The following ANO2 variants were observed in gnomAD, a reference collection of about 807,000 sequenced individuals.
The protein encoded by ANO2 is anoctamin-2.
ANO2 carries 101 observed loss-of-function variants against 124.2 expected under a neutral mutation model. The ratio of observed to expected loss-of-function variants is 0.81; its 90% CI spans 0.69 to 0.96. The LOEUF (loss-of-function observed/expected upper bound fraction) is 0.96. Ranked by LOEUF, ANO2 falls within the 40% of genes least tolerant of loss-of-function variation. ANO2 has a pLI of 0.00. For missense variants in ANO2, 1,293 were observed against 1,274.5 expected (o/e 1.01, Z -0.22); for synonymous variants, 486 against 482.5 (o/e 1.01, Z -0.09).
chr12:5,943,581 G>A (rs576996502), intron 1 of ANO2, among the ~76,000 whole-genome samples: 158 of 152,090 alleles, frequency 1.0e-3, no homozygotes, highest in African/African-American at 3.7e-3. Flanking sequence ...GGGTGAGGAG[G>A]CACTAAAATC....
intron 1 of ANO2, among the ~76,000 whole-genome samples, chr12:5,943,139 A>G (rs1942958208): frequency 6.6e-6 from 1 of 152,212 alleles, no homozygotes; most frequent in South Asian, 2.1e-4. Flanking sequence ...AAATGAAGTC[A>G]TTATATAAAA....
chr12:5,779,624 G>A (rs1221428591), intron 10 of ANO2, among the ~76,000 whole-genome samples: 2 of 152,182 alleles, frequency 1.3e-5, no homozygotes, highest in East Asian at 1.9e-4. Context: ...TCACAGTGGA[G>A]GAATCTGGCA....
rs370419755 is a variant in ANO2 at position 5,923,022 on chromosome 12, A to G, written c.23-218T>C. ...GCCCCCCGACTGCATACACACACGC[A>G]CACACACATACACACACATGCACGC... On this transcript the variant is annotated intron_variant, in intron 1 of 24. Coordinates refer to ENST00000682330, the MANE Select transcript of ANO2 (RefSeq NM_001364791.2). Among the ~76,000 whole-genome samples, 16 of 148,636 alleles carry G rather than the reference A, an allele frequency of 1.1e-4. No homozygotes were observed. The East Asian group carries it at 2.6e-3, about 24-fold the overall frequency.
At chr12:5,784,161 T>C (rs1471897787) in intron 10 of ANO2, among the ~76,000 whole-genome samples, 1 of 103,134 alleles carries the variant, frequency 9.7e-6, no homozygotes, top group Non-Finnish European at 2.5e-5. Context: ...TATTCCCCCC[T>C]ATCTGGAATG....
At chr12:5,673,864 T>C (rs1464987770) in intron 14 of ANO2, among the ~76,000 whole-genome samples, 1 of 152,152 alleles carries the variant, frequency 6.6e-6, no homozygotes, top group African/African-American at 2.4e-5. Flanking sequence ...CAATATTCAG[T>C]CCAGCCCATG....
intron 16 of ANO2, among the ~76,000 whole-genome samples, chr12:5,619,634 GCTCT>G (rs1190502092): frequency 1.3e-5 from 2 of 152,152 alleles, no homozygotes; most frequent in African/African-American, 2.4e-5. Flanking sequence ...GAGGTCCTCT[GCTCT>G]CTCTATCTCT....
intron 10 of ANO2, among the ~76,000 whole-genome samples, chr12:5,793,103 T>C (rs1481154032): frequency 6.6e-6 from 1 of 152,178 alleles, no homozygotes. Context: ...ACACAATTGT[T>C]GTTTTCAAAT....
At chr12:5,653,133 T>C (rs1011221170) in intron 14 of ANO2, among the ~76,000 whole-genome samples, 2 of 152,214 alleles carry the variant, frequency 1.3e-5, no homozygotes, top group Non-Finnish European at 2.9e-5. Flanking sequence ...GGAGTGGAAC[T>C]GGATTTGGGC....
chr12:5,690,527 G>A (rs1230505517), intron 14 of ANO2, among the ~76,000 whole-genome samples: 2 of 152,140 alleles, frequency 1.3e-5, no homozygotes, highest in Admixed American at 6.5e-5. Flanking sequence ...CCTTTGCTCT[G>A]GGCCTGGGCT....
chr12:5,812,948 GGAAA>G (rs1371470043), intron 7 of ANO2, among the ~76,000 whole-genome samples: 2 of 117,532 alleles, frequency 1.7e-5, no homozygotes, highest in African/African-American at 3.3e-5. Flanking sequence ...AAGGAAGGAA[GGAAA>G]GAAGGAAGAG....
At chr12:5,687,880 C>CA (rs1948770745) in intron 14 of ANO2, among the ~76,000 whole-genome samples, 1 of 151,248 alleles carries the variant, frequency 6.6e-6, no homozygotes, top group Admixed American at 6.6e-5. Context: ...ACAACAACAA[C>CA]ACCAGGAGGT....
chr12:5,754,323 TA>T (rs1346293522), intron 10 of ANO2, among the ~76,000 whole-genome samples: 1 of 152,206 alleles, frequency 6.6e-6, no homozygotes, highest in Non-Finnish European at 1.5e-5. Flanking sequence ...GATTTACTAC[TA>T]TTTTGTTGAA....
At chr12:5,633,335 ATGTC>A (rs1945829032) in intron 16 of ANO2, among the ~76,000 whole-genome samples, 1 of 152,106 alleles carries the variant, frequency 6.6e-6, no homozygotes, top group Non-Finnish European at 1.5e-5. Flanking sequence ...TGGAGAGAGA[ATGTC>A]TGTTTGGCTC....
intron 7 of ANO2, among the ~76,000 whole-genome samples, chr12:5,824,083 T>A (rs1953886737): frequency 6.6e-6 from 1 of 152,102 alleles, no homozygotes; most frequent in Non-Finnish European, 1.5e-5. Context: ...AACCATTTTT[T>A]CCTCCTGGGC....
intron 7 of ANO2, among the ~76,000 whole-genome samples, chr12:5,816,081 T>C (rs1371947094): frequency 2.0e-5 from 3 of 151,946 alleles, no homozygotes; most frequent in African/African-American, 7.3e-5. Context: ...AAAGATAATC[T>C]GAGGGTGAAG....
intron 15 of ANO2, among the ~76,000 whole-genome samples, chr12:5,641,261 A>T (rs1051088466): frequency 5.3e-5 from 8 of 152,266 alleles, no homozygotes; most frequent in Non-Finnish European, 8.8e-5. Flanking sequence ...CATTAGGAGA[A>T]ATACCTAATG....
rs201987081 is a variant in ANO2 at position 5,563,390 on chromosome 12, C to A, written c.2906G>T (p.Arg969Leu). Residue 969 changes from arginine (R) to leucine (L), a missense_variant, in exon 25 of 25, where the codon CGA becomes CTA. Transcript: ENST00000682330. ...PALRSPGGGD[R>L]SRSRAASSAP... ...TGAGCTGGCTGCCCGGCTCCTGCTT[C>A]GATCCCCACCTCCTGGGCTCCTCAG... 1.2e-6 allele frequency: 2 copies of A among 1,607,542 alleles called. No homozygotes were observed. Among genetic ancestry groups the A allele is most frequent in the Non-Finnish European group, 1.7e-6 (2 of 1,177,360 alleles).
At chr12:5,731,742 T>C (rs1013218733) in intron 14 of ANO2, among the ~76,000 whole-genome samples, 43 of 152,162 alleles carry the variant, frequency 2.8e-4, no homozygotes, top group African/African-American at 1.0e-3. Flanking sequence ...TCTGTTTTAA[T>C]GACTGCATGC....
chr12:5,632,303 C>T (rs1565497564), intron 16 of ANO2, among the ~76,000 whole-genome samples: 1 of 151,948 alleles, frequency 6.6e-6, no homozygotes, highest in African/African-American at 2.4e-5. Flanking sequence ...GAGAAACTGA[C>T]ATCAAAGTCA....
Sources: allele counts gnomAD v4.1 joint callset (sites outside exome capture counted in the v4.1 genomes callset), GRCh38; gene constraint gnomAD v4.1.1; transcripts MANE v1.5; gene names NCBI Gene and HGNC (gene_info 2026-07-23, HGNC 2026-07-21).